The following SMIM45 variants were observed in gnomAD, a reference collection of about 807,000 sequenced individuals.
SMIM45 encodes the protein small integral membrane protein 45.
the SMIM45 span, among the ~76,000 whole-genome samples, chr22:41,949,911 TAG>T: frequency 6.6e-6 from 1 of 152,246 alleles, no homozygotes; most frequent in Admixed American, 6.5e-5. Flanking sequence ...GGAGGCCAGA[TAG>T]AGGCCTGGAG....
At chr22:41,956,020 CTT>C in the SMIM45 span, among the ~76,000 whole-genome samples, 15 of 142,272 alleles carry the variant, frequency 1.1e-4, no homozygotes, top group Admixed American at 1.4e-4. Flanking sequence ...TTACCATTCC[CTT>C]TTTTTTTTTT....
the SMIM45 span, chr22:41,958,637 G>C: frequency 3.2e-6 from 1 of 316,480 alleles, no homozygotes. Flanking sequence ...ACTGTCCATA[G>C]TGGGTCCCAA....
At chr22:41,952,884 A>G in the SMIM45 span, among the ~76,000 whole-genome samples, 1 of 152,022 alleles carries the variant, frequency 6.6e-6, no homozygotes, top group Non-Finnish European at 1.5e-5. Flanking sequence ...GGGCCTGGAT[A>G]GGGGGCATGA....
chr22:41,953,433 G>A, the SMIM45 span, among the ~76,000 whole-genome samples: 5 of 152,218 alleles, frequency 3.3e-5, no homozygotes, highest in Admixed American at 1.3e-4. Flanking sequence ...CCTGGAGGAC[G>A]CAAGCCTCAG....
chr22:41,952,385 C>G, the SMIM45 span: 2 of 152,398 alleles, frequency 1.3e-5, no homozygotes, highest in Non-Finnish European at 2.9e-5. Context: ...GTGTGCTCAG[C>G]ACAGAGCCCC....
chr22:41,955,857 T>C, the SMIM45 span, among the ~76,000 whole-genome samples: 1 of 151,924 alleles, frequency 6.6e-6, no homozygotes, highest in Non-Finnish European at 1.5e-5. Context: ...GGGTGCTATT[T>C]CTATCCCCAT....
At chr22:41,947,869 A>G in the SMIM45 span, among the ~76,000 whole-genome samples, 8 of 152,046 alleles carry the variant, frequency 5.3e-5, no homozygotes, top group African/African-American at 1.9e-4. Context: ...TCCTGGCCTC[A>G]AGCAGCCCTC....
chr22:41,951,962 C>G, the SMIM45 span, among the ~76,000 whole-genome samples: 2 of 152,238 alleles, frequency 1.3e-5, no homozygotes, highest in Non-Finnish European at 2.9e-5. Flanking sequence ...GGTGATTCCC[C>G]CTCCCCGCAC....
At chr22:41,953,756 T>TG in the SMIM45 span, among the ~76,000 whole-genome samples, 2 of 106,522 alleles carry the variant, frequency 1.9e-5, no homozygotes, top group Non-Finnish European at 3.6e-5. Context: ...TTTTTTTTTT[T>TG]TTTTTTTTTT....
the SMIM45 span, among the ~76,000 whole-genome samples, chr22:41,955,427 C>T: frequency 6.6e-6 from 1 of 152,266 alleles, no homozygotes; most frequent in African/African-American, 2.4e-5. Flanking sequence ...GACCCATCCT[C>T]CTTGGCCTCC....
At chr22:41,958,507 AGTCTGGG>A in the SMIM45 span, 11 of 392,580 alleles carry the variant, frequency 2.8e-5, no homozygotes, top group South Asian at 5.3e-5. Flanking sequence ...AGAGAGAGAG[AGTCTGGG>A]GGGAGCGGGC....
At chr22:41,950,290 A>C in the SMIM45 span, among the ~76,000 whole-genome samples, 1 of 152,198 alleles carries the variant, frequency 6.6e-6, no homozygotes, top group African/African-American at 2.4e-5. Flanking sequence ...ATATGTATAT[A>C]CTTAAGAAGC....
chr22:41,948,669 G>T, the SMIM45 span, among the ~76,000 whole-genome samples: 17 of 152,134 alleles, frequency 1.1e-4, no homozygotes, highest in Admixed American at 2.0e-4. Context: ...CTATAACCCA[G>T]CACTTTGGGA....
chr22:41,953,390 C>T, the SMIM45 span, among the ~76,000 whole-genome samples: 3 of 152,124 alleles, frequency 2.0e-5, no homozygotes, highest in African/African-American at 7.2e-5. Context: ...TGGGCATCTG[C>T]TCATTTCATC....
At chr22:41,950,273 G>A in the SMIM45 span, among the ~76,000 whole-genome samples, 4 of 152,188 alleles carry the variant, frequency 2.6e-5, no homozygotes, top group African/African-American at 9.7e-5. Context: ...AATTTGATAA[G>A]TTTGACATAT....
the SMIM45 span, among the ~76,000 whole-genome samples, chr22:41,948,493 T>G: frequency 6.6e-6 from 1 of 152,160 alleles, no homozygotes; most frequent in Non-Finnish European, 1.5e-5. Flanking sequence ...AACTGTGTCT[T>G]GCTCAGAAAG....
chr22:41,951,709 T>C, the SMIM45 span, among the ~76,000 whole-genome samples: 1 of 152,220 alleles, frequency 6.6e-6, no homozygotes, highest in African/African-American at 2.4e-5. Context: ...AAACAGTGTC[T>C]GGTGCATAGG....
At chr22:41,958,443 T>C in the SMIM45 span, 4 of 448,522 alleles carry the variant, frequency 8.9e-6, no homozygotes, top group Admixed American at 4.8e-5. Context: ...GGTGGGGGTA[T>C]GCAGAGGGAT....
chr22:41,947,680 TTTTTTTTTGGAGCGTCAC>T, the SMIM45 span, among the ~76,000 whole-genome samples: 2 of 150,888 alleles, frequency 1.3e-5, no homozygotes, highest in Non-Finnish European at 3.0e-5. Context: ...TTTTTTTTTT[TTTTTTTTTGGAGCGTCAC>T]TTTGTTGCCC....
Sources: allele counts gnomAD v4.1 joint callset (sites outside exome capture counted in the v4.1 genomes callset), GRCh38; gene constraint gnomAD v4.1.1; transcripts MANE v1.5; gene names NCBI Gene and HGNC (gene_info 2026-07-23, HGNC 2026-07-21).